The following TMPRSS13 variants were observed in gnomAD, a reference collection of about 807,000 sequenced individuals.
The protein encoded by TMPRSS13 is transmembrane serine protease 13.
A neutral mutation model predicts 68.4 loss-of-function variants in TMPRSS13; 50 were observed. That is an observed-to-expected ratio of 0.73 (90% CI 0.58 to 0.93). The LOEUF is 0.93. TMPRSS13 is among the 40% of genes least tolerant of loss of function. The pLI is 0.00. For synonymous variants in TMPRSS13, 267 were observed against 285.8 expected, an observed-to-expected ratio of 0.93 and a Z score of 0.66; for missense variants, 615 against 729.2, an observed-to-expected ratio of 0.84 and a Z score of 1.80.
rs182979186 is a variant in TMPRSS13, at chr11:117,916,542, C to G, written c.556+628G>C. ...AGGACAGGACAGAATAATGTACATG[C>G]ACATTTGCGCTGCCTAAAGTTTCCC... On this transcript the variant is annotated intron_variant, in intron 3 of 12. Transcript: ENST00000524993. 1.4e-3 allele frequency among the ~76,000 whole-genome samples: 208 copies of G among 152,344 alleles called. 1 individual carries two copies. The highest frequency in any genetic ancestry group is 2.5e-3 in the Non-Finnish European group (171 of 68,038).
intron 1 of TMPRSS13, among the ~76,000 whole-genome samples, chr11:117,928,175 T>C (rs181644405): frequency 5.3e-5 from 8 of 152,358 alleles, no homozygotes; most frequent in East Asian, 1.9e-4. Flanking sequence ...ACCTTCTGCA[T>C]GCCCTTGTGT....
At chr11:117,917,390 C>T (rs1047023564) in intron 2 of TMPRSS13, 116 bp from the exon 3 acceptor site, 3 of 692,112 alleles carry the variant, frequency 4.3e-6, no homozygotes, top group Admixed American at 2.6e-5. Context: ...CACTCCACCC[C>T]AGAAGTTGGA....
At position 117,910,768 on chromosome 11, in the gene TMPRSS13, G is replaced by T. The variant is rs369424111; in HGVS notation, c.903-18C>A. 269 of 1,602,434 alleles carry T rather than the reference G, an allele frequency of 1.7e-4. No individual in the cohort carries two copies. Among genetic ancestry groups the T allele is most frequent in the Non-Finnish European group, 2.2e-4 (264 of 1,173,526 alleles). On this transcript the variant is annotated intron_variant, in intron 6 of 12. Transcript: ENST00000524993. ...ATTCAGACCTGCAGGGGGAGACACAGAAAGTGGGAAAAGGGCACATTAGCT... is the reference window on the plus strand; with the variant it reads ...ATTCAGACCTGCAGGGGGAGACACATAAAGTGGGAAAAGGGCACATTAGCT...
At chr11:117,903,223 C>G in intron 12 of TMPRSS13, 1 of 1,347,262 alleles carries the variant, frequency 7.4e-7, no homozygotes, top group Non-Finnish European at 9.7e-7. Flanking sequence ...ACAACAACAA[C>G]AAAAAGAAAA....
intron 12 of TMPRSS13, chr11:117,903,382 T>A (rs1023658944): frequency 2.6e-6 from 4 of 1,532,414 alleles, no homozygotes; most frequent in Non-Finnish European, 3.5e-6. Context: ...AAAAAATACT[T>A]CTGGGAGAAC....
At chr11:117,929,178 T>G in intron 1 of TMPRSS13, 109 bp downstream of exon 1, 1 of 882,274 alleles carries the variant, frequency 1.1e-6, no homozygotes, top group Non-Finnish European at 1.7e-6. Flanking sequence ...GCACAGCCAG[T>G]TTCCCCCAAA....
At chr11:117,920,425 G>A (rs901202697) in intron 1 of TMPRSS13, among the ~76,000 whole-genome samples, 10 of 152,070 alleles carry the variant, frequency 6.6e-5, no homozygotes, top group Middle Eastern at 6.8e-3. Context: ...TGAAACCTCC[G>A]CCTCCCAGGT....
In TMPRSS13 at chr11:117,929,312, T is replaced by C; in HGVS notation, c.-5A>G. The C allele has an allele frequency of 6.2e-7, 1 of 1,605,448 alleles. No homozygotes were observed. The highest frequency in any genetic ancestry group is 1.1e-5 in the South Asian group (1 of 89,202). On this transcript the variant is annotated 5_prime_UTR_variant, in exon 1 of 13. Coordinates refer to ENST00000524993, the MANE Select transcript of TMPRSS13 (RefSeq NM_001077263.3). ...CCCGTGGCTGTCCCTCTCCATGGTC[T>C]CTGAGGGGAAGAGTCCTCCAGGCTT...
intron 1 of TMPRSS13, among the ~76,000 whole-genome samples, chr11:117,927,527 C>T (rs1314583785): frequency 6.6e-6 from 1 of 152,208 alleles, no homozygotes; most frequent in African/African-American, 2.4e-5. Context: ...GATCCAGCAG[C>T]TGACAGAGGA....
At chr11:117,910,115 G>C in intron 7 of TMPRSS13, 147 bp from the exon 8 acceptor site, 1 of 946,258 alleles carries the variant, frequency 1.1e-6, no homozygotes, top group Non-Finnish European at 1.6e-6. Context: ...TCCATGGACG[G>C]GCTTTGCTCC....
At chr11:117,903,396 T>C in intron 12 of TMPRSS13, 1 of 1,535,068 alleles carries the variant, frequency 6.5e-7, no homozygotes, top group East Asian at 2.4e-5. Context: ...GGAGAACATC[T>C]GCCCAGCAAC....
chr11:117,929,373 G>C lies in TMPRSS13; in HGVS notation c.-66C>G. ...GAGGAGAAGATCCATCTTGGTCCCT[G>C]GCTTCTCAGGCATGTAGGGTAAAGG... On this transcript the variant is annotated 5_prime_UTR_variant, in exon 1 of 13. Coordinates refer to ENST00000524993, the MANE Select transcript of TMPRSS13 (RefSeq NM_001077263.3). The C allele has an allele frequency of 6.7e-7, 1 of 1,489,798 alleles. No individual in the cohort carries two copies. Among genetic ancestry groups the C allele is most frequent in the South Asian group, 1.2e-5 (1 of 81,768 alleles). The allele number at this position is 1,489,798 out of a possible 1,614,324, so 92.3% of individuals were successfully genotyped here. A position where few individuals can be genotyped will look rare whatever the true frequency, so the allele number is the denominator to read the frequency against.
chr11:117,926,398 GC>G (rs2057708146), intron 1 of TMPRSS13, among the ~76,000 whole-genome samples: 1 of 152,190 alleles, frequency 6.6e-6, no homozygotes, highest in African/African-American at 2.4e-5. Context: ...CTCAGGAACT[GC>G]CCAGCTCCTC....
intron 1 of TMPRSS13, among the ~76,000 whole-genome samples, chr11:117,924,091 C>T (rs7121253): frequency 0.082 from 12,301 of 150,616 alleles, 1,618 homozygotes; most frequent in African/African-American, 0.28. Flanking sequence ...GGCCTGTAGT[C>T]CCAGCTACTT....
At chr11:117,918,288 C>G (rs1295486793) in intron 2 of TMPRSS13, 121 bp downstream of exon 2, 2 of 1,247,828 alleles carry the variant, frequency 1.6e-6, no homozygotes, top group Non-Finnish European at 2.2e-6. Flanking sequence ...TCCCACCCCC[C>G]TACCTCCCCT....
chr11:117,912,067 C>A (rs2057528704), intron 5 of TMPRSS13, among the ~76,000 whole-genome samples: 1 of 152,114 alleles, frequency 6.6e-6, no homozygotes, highest in African/African-American at 2.4e-5. Flanking sequence ...TCTCCCCCAA[C>A]TCCCCTCCAA....
rs1227485410 is a variant in TMPRSS13 at position 117,922,962 on chromosome 11, C to T, written c.22-4124G>A. Among the ~76,000 whole-genome samples the T allele has an allele frequency of 6.6e-6, 1 of 152,224 alleles. No individual in the cohort carries two copies. Among genetic ancestry groups the T allele is most frequent in the African/African-American group, 2.4e-5 (1 of 41,462 alleles). On this transcript the variant is annotated intron_variant, in intron 1 of 12. Coordinates refer to ENST00000524993, the MANE Select transcript of TMPRSS13 (RefSeq NM_001077263.3). The surrounding 1 kb of genome is among the most constrained non-coding windows in gnomAD (Gnocchi z 4.2). ...AGCTCCCAAGGGTCCTCACCCAAGG[C>T]TTGTTCAGGGCCCTCCAGACGTGTT...
rs776505077 is a variant in TMPRSS13 at position 117,918,727 on chromosome 11, A to T, written c.133T>A (p.Ser45Thr). Residue 45 changes from serine to threonine, a missense_variant, in exon 2 of 13, where the codon TCT becomes ACT. Transcript: ENST00000524993. ...SPAQASPAQA[S>T]PAGTPPGRAS... ...CGGCCCGGAGGTGTCCCAGCTGGAG[A>T]TGCCTGGGCTGGAGATGCCTGGGCT... The T allele has an allele frequency of 6.2e-7, 1 of 1,606,988 alleles. No homozygotes were observed. The highest frequency in any genetic ancestry group is 1.1e-5 in the South Asian group (1 of 90,554).
At position 117,902,160 on chromosome 11, in the gene TMPRSS13, G is replaced by C. The variant is rs908822955; in HGVS notation, c.*79C>G. The C allele has an allele frequency of 3.2e-6, 5 of 1,560,526 alleles. No individual in the cohort carries two copies. The highest frequency in any genetic ancestry group is 1.7e-4 in the Middle Eastern group (1 of 5,716). ...ATGGTGCCCGGTGGCCATTAGCCCA[G>C]ATGATGCCACACATGGCCAGTCACC... On this transcript the variant is annotated 3_prime_UTR_variant, in exon 13 of 13. Coordinates refer to ENST00000524993, the MANE Select transcript of TMPRSS13 (RefSeq NM_001077263.3).
Sources: allele counts gnomAD v4.1 joint callset (sites outside exome capture counted in the v4.1 genomes callset), GRCh38; gene constraint gnomAD v4.1.1; non-coding constraint Gnocchi (gnomAD v3.1); transcripts MANE v1.5; gene names NCBI Gene and HGNC (gene_info 2026-07-23, HGNC 2026-07-21).